Variants in TIMELESS observed in about 807,000 individuals in gnomAD.
The protein encoded by TIMELESS is timeless circadian regulator.
In TIMELESS, 124 loss-of-function variants were observed where a neutral mutation model predicts 164.3. The ratio of observed to expected loss-of-function variants is 0.75; its 90% CI spans 0.65 to 0.88. TIMELESS has a LOEUF of 0.88. Among genes scored for constraint, TIMELESS ranks in the 40% least tolerant of loss-of-function variants. TIMELESS has a pLI of 0.00. For missense variants in TIMELESS, 1,422 were observed against 1,491.4 expected (o/e 0.95, Z 0.77); for synonymous variants, 564 against 563.4 (o/e 1.00, Z -0.02).
chr12:56,435,254 G>C (rs1350685967), intron 1 of TIMELESS, among the ~76,000 whole-genome samples: 1 of 151,918 alleles, frequency 6.6e-6, no homozygotes, highest in South Asian at 2.1e-4. Context: ...CTTAAACCTT[G>C]GTAATTTCAG....
At chr12:56,446,189 T>G (rs1269297959) in intron 1 of TIMELESS, among the ~76,000 whole-genome samples, 1 of 152,158 alleles carries the variant, frequency 6.6e-6, no homozygotes. Context: ...CAGGCATGAA[T>G]GCAGCTGCCT....
Position 56,428,294 on chromosome 12 carries a change from T to C in TIMELESS, c.1520A>G (p.His507Arg). The change falls in exon 13 of 29, where the codon CAC (histidine) becomes CGC (arginine). Residue 507 changes from histidine (H) to arginine (R), a missense_variant. Physicochemically the swap from His to Arg is conservative, Grantham distance 29. Coordinates refer to ENST00000553532, the MANE Select transcript of TIMELESS (RefSeq NM_003920.5). Reference protein sequence around the residue: ...SFLRDLVETTHLFLKMLERFC... With the variant: ...SFLRDLVETTRLFLKMLERFC... ...TCGCTCCAACATTTTGAGGAAGAGG[T>C]GGGTGGTCTCCACCAGGTCACGAAG... 1 of 1,612,928 alleles carries C rather than the reference T, an allele frequency of 6.2e-7. No individual in the cohort carries two copies. The highest frequency in any genetic ancestry group is 1.7e-5 in the Admixed American group (1 of 59,912).
Position 56,422,022 on chromosome 12 carries a change from G to T in TIMELESS, c.2525-6C>A. 15 of 1,613,920 alleles carry T rather than the reference G, an allele frequency of 9.3e-6. No homozygotes were observed. Among genetic ancestry groups the T allele is most frequent in the Non-Finnish European group, 1.3e-5 (15 of 1,179,860 alleles). ...GGCTTCCACCACATCCTGCCCTGGC[G>T]TGGGGAAGGACTAAGGCAGTAAAGA... On this transcript the variant is annotated splice_region_variant and splice_polypyrimidine_tract_variant and intron_variant, in intron 20 of 28. Transcript: ENST00000553532.
Position 56,423,875 on chromosome 12 carries a change from C to G in TIMELESS, c.1888G>C (p.Asp630His). The G allele has an allele frequency of 6.2e-7, 1 of 1,614,180 alleles. No homozygotes were observed. Among genetic ancestry groups the G allele is most frequent in the Non-Finnish European group, 8.5e-7 (1 of 1,180,030 alleles). Residue 630 changes from aspartate (D) to histidine (H), a missense_variant, in exon 16 of 29, where the codon GAT (aspartate) becomes CAT (histidine). By Grantham distance (81) the Asp-to-His change is moderately conservative (BLOSUM62 -1). Coordinates refer to ENST00000553532, the MANE Select transcript of TIMELESS (RefSeq NM_003920.5). ...RSAREVWPEG[D>H]VFGSQDISPE... ...GAAATGTCTTGAGAGCCAAACACAT[C>G]TCCTTCAGGCCACACCTCCCTGGAG...
In TIMELESS at chr12:56,423,667, T is replaced by TCC. The variant is rs531096022; in HGVS notation, c.2006_2007insGG (p.Glu671ArgfsTer26). The TCC allele has an allele frequency of 2.5e-4, 410 of 1,613,336 alleles. 1 individual carries two copies. In the East Asian group the frequency reaches 2.6e-3, roughly 10 times the overall value. On this transcript the variant is annotated frameshift_variant, in exon 17 of 29. Coordinates refer to ENST00000553532, the MANE Select transcript of TIMELESS (RefSeq NM_003920.5). LOFTEE classifies it high-confidence loss of function. ...CCTCCTCTTCCTCCTCCTCCTCCTC[T>TCC]TCTTCTTCCTCTGCCCCACGTTCCT...
rs1881301669 is a variant in TIMELESS at position 56,417,464 on chromosome 12, C to T, written c.*252G>A. The T allele has an allele frequency of 6.6e-6, 3 of 457,628 alleles. No homozygotes were observed. In the Admixed American group the frequency reaches 1.0e-4, roughly 16 times the overall value. 28.3% of individuals were successfully genotyped at this position (457,628 alleles called of 1,614,324 possible). Reference sequence around the variant, plus strand: ...GCTCCAATAACCAAAAGAAATGGTTCCTAGAAGAAGAGAACTAAATCTCCA... The same window carrying T: ...GCTCCAATAACCAAAAGAAATGGTTTCTAGAAGAAGAGAACTAAATCTCCA... On this transcript the variant is annotated 3_prime_UTR_variant, in exon 29 of 29. Coordinates refer to ENST00000553532, the MANE Select transcript of TIMELESS (RefSeq NM_003920.5).
At chr12:56,418,453 A>G (rs1881345757) in intron 26 of TIMELESS, 94 bp from the exon 27 acceptor site, 9 of 844,606 alleles carry the variant, frequency 1.1e-5, no homozygotes, top group African/African-American at 1.7e-5. Flanking sequence ...ATATTGGTGA[A>G]GATCCACAAG....
intron 1 of TIMELESS, among the ~76,000 whole-genome samples, chr12:56,447,102 C>T (rs1404147041): frequency 1.3e-5 from 2 of 151,022 alleles, no homozygotes; most frequent in South Asian, 2.1e-4. Context: ...CTCCGCCTCC[C>T]GGGTTCAAGT....
intron 1 of TIMELESS, among the ~76,000 whole-genome samples, chr12:56,442,109 TAG>T (rs1249277569): frequency 1.7e-5 from 2 of 116,864 alleles, no homozygotes; most frequent in Non-Finnish European, 4.0e-5. Context: ...AAAAGAAATG[TAG>T]TTGCAGAAAT....
At chr12:56,427,870 C>T (rs946615737) in intron 13 of TIMELESS, among the ~76,000 whole-genome samples, 1 of 152,206 alleles carries the variant, frequency 6.6e-6, no homozygotes, top group African/African-American at 2.4e-5. Flanking sequence ...GCCACCATGC[C>T]TGGCCGCAAT....
At chr12:56,427,383 A>G (rs1392312735) in intron 13 of TIMELESS, among the ~76,000 whole-genome samples, 1 of 152,014 alleles carries the variant, frequency 6.6e-6, no homozygotes, top group Admixed American at 6.6e-5. Flanking sequence ...GTGGCCTCCC[A>G]AAGTGCTGGG....
rs1391908990 is a variant in TIMELESS, at chr12:56,420,585, G to A, written c.3212C>T (p.Pro1071Leu). Residue 1071 changes from proline (P) to leucine (L), a missense_variant, in exon 26 of 29, where the codon CCC becomes CTC. Transcript: ENST00000553532. ...QQLLRKLGVR[P>L]PASGQETFWR... Reference sequence around the variant, plus strand: ...CATATTTACCTGCCCAGAGGCAGGGGGCCGAACCCCTAGCTTGCGCAACAG... The same window carrying A: ...CATATTTACCTGCCCAGAGGCAGGGAGCCGAACCCCTAGCTTGCGCAACAG... The A allele has an allele frequency of 6.2e-7, 1 of 1,614,212 alleles. No individual in the cohort carries two copies. The highest frequency in any genetic ancestry group is 8.5e-7 in the Non-Finnish European group (1 of 1,180,042).
chr12:56,423,260 T>C lies in TIMELESS; in HGVS notation c.2292+14A>G, dbSNP rs1460113210. ...CATACCCTTCCAGAACCCCATTCCT[T>C]GTTATCCCCTCACTTTGTAGGCTCC... On this transcript the variant is annotated intron_variant, in intron 18 of 28. Transcript: ENST00000553532. The C allele has an allele frequency of 6.2e-7, 1 of 1,613,718 alleles. No homozygotes were observed. Among genetic ancestry groups the C allele is most frequent in the Non-Finnish European group, 8.5e-7 (1 of 1,179,896 alleles).
chr12:56,438,043 CATT>C (rs1409909524), intron 1 of TIMELESS, among the ~76,000 whole-genome samples: 36 of 151,990 alleles, frequency 2.4e-4, no homozygotes, highest in African/African-American at 8.7e-4. Context: ...GCTTGATAAA[CATT>C]TTTTTTTTTT....
At chr12:56,439,028 T>C (rs970387239) in intron 1 of TIMELESS, among the ~76,000 whole-genome samples, 45 of 151,322 alleles carry the variant, frequency 3.0e-4, no homozygotes, top group Non-Finnish European at 4.7e-4. Context: ...TAGCTGGGCA[T>C]GGTGGCGGGC....
At chr12:56,420,752 C>T in intron 25 of TIMELESS, 61 bp downstream of exon 25, 1 of 1,612,946 alleles carries the variant, frequency 6.2e-7, no homozygotes, top group Non-Finnish European at 8.5e-7. Context: ...CATCCCATGA[C>T]CAGGTAGGTC....
chr12:56,438,334 C>T (rs1381815860), intron 1 of TIMELESS, among the ~76,000 whole-genome samples: 2 of 152,068 alleles, frequency 1.3e-5, no homozygotes, highest in African/African-American at 2.4e-5. Context: ...CGTGAGCCAC[C>T]GTGCCTGGCT....
At chr12:56,439,601 C>A (rs1480459406) in intron 1 of TIMELESS, among the ~76,000 whole-genome samples, 1 of 150,892 alleles carries the variant, frequency 6.6e-6, no homozygotes, top group East Asian at 2.0e-4. Flanking sequence ...CCTATGTTGC[C>A]CACACTGGTC....
At chr12:56,421,557 GA>G (rs1881490971) in intron 22 of TIMELESS, 64 bp from the exon 23 acceptor site, 1 of 1,569,248 alleles carries the variant, frequency 6.4e-7, no homozygotes, top group Non-Finnish European at 8.7e-7. Flanking sequence ...AAATAAATCA[GA>G]GGTCTCTGGA....
Sources: allele counts gnomAD v4.1 joint callset (sites outside exome capture counted in the v4.1 genomes callset), GRCh38; gene constraint gnomAD v4.1.1; transcripts MANE v1.5; gene names NCBI Gene and HGNC (gene_info 2026-07-23, HGNC 2026-07-21).